ZNF638: variants seen among roughly 807,000 people sequenced by gnomAD.
The protein encoded by ZNF638 is CTCL tumor antigen se33-1.
In ZNF638, 46 loss-of-function variants were observed where a neutral mutation model predicts 195.6. The ratio of observed to expected loss-of-function variants is 0.24; its 90% confidence interval spans 0.19 to 0.30. The LOEUF is 0.30. ZNF638 is among the 10% of genes least tolerant of loss of function. The pLI, the probability that ZNF638 is intolerant of heterozygous loss-of-function variation, is 1.00. For synonymous variants in ZNF638, 845 were observed against 772.0 expected, an observed-to-expected ratio of 1.09 and a Z score of -1.57; for missense variants, 2,440 against 2,325.3, an observed-to-expected ratio of 1.05 and a Z score of -1.01.
intron 17 of ZNF638, among the ~76,000 whole-genome samples, chr2:71,404,766 G>A (rs113413981): frequency 2.6e-5 from 4 of 152,174 alleles, no homozygotes; most frequent in African/African-American, 9.6e-5. Flanking sequence ...AAAAGTAATT[G>A]TCTTTTGTAC....
intron 3 of ZNF638, among the ~76,000 whole-genome samples, chr2:71,356,988 G>T (rs1049964574): frequency 6.6e-6 from 1 of 152,056 alleles, no homozygotes; most frequent in African/African-American, 2.4e-5. Flanking sequence ...CTTTCACATA[G>T]CAAAATGGAC....
chr2:71,386,410 T>C (rs60037192), intron 10 of ZNF638, among the ~76,000 whole-genome samples: 1,970 of 152,132 alleles, frequency 0.013, 43 homozygotes, highest in African/African-American at 0.045. Context: ...AAAGCCAGCA[T>C]ATGTTTAATA....
chr2:71,405,686 T>C (rs1375244715), intron 18 of ZNF638, 44 bp downstream of exon 18: 1 of 1,330,618 alleles, frequency 7.5e-7, no homozygotes, highest in Non-Finnish European at 1.0e-6. Flanking sequence ...ATTTAATTGA[T>C]GGAAACATTG....
chr2:71,406,860 C>T (rs1262079683), intron 19 of ZNF638, among the ~76,000 whole-genome samples: 3 of 151,902 alleles, frequency 2.0e-5, no homozygotes, highest in African/African-American at 7.3e-5. Context: ...ATTAGCTGGG[C>T]ATGGTGACGT....
rs560052273 is a variant in ZNF638 at position 71,422,709 on chromosome 2, A to G, written c.3300-105A>G. On this transcript the variant is annotated intron_variant, in intron 21 of 27. Coordinates refer to ENST00000264447, the MANE Select transcript of ZNF638 (RefSeq NM_014497.5). ...ACGAATGCATCAGGAAGTCTTAACA[A>G]TTGGCATCAGCAGGATTCTTTATAA... is the stretch of plus-strand genomic sequence containing the variant. The G allele has an allele frequency of 1.1e-4, 127 of 1,208,308 alleles. 1 individual carries two copies. In the East Asian group the frequency reaches 3.1e-3, roughly 30 times the overall value. 74.8% of individuals were successfully genotyped at this position (1,208,308 alleles called of 1,614,324 possible).
chr2:71,345,686 G>A (rs1378036314), intron 1 of ZNF638, among the ~76,000 whole-genome samples: 2 of 151,460 alleles, frequency 1.3e-5, no homozygotes, highest in African/African-American at 4.9e-5. Context: ...ATTTTTTTTT[G>A]TAGAGACAGG....
At chr2:71,419,554 C>T (rs144078347) in intron 21 of ZNF638, among the ~76,000 whole-genome samples, 4 of 152,066 alleles carry the variant, frequency 2.6e-5, no homozygotes, top group African/African-American at 9.6e-5. Flanking sequence ...TAAAATATAC[C>T]AGTAACATTA....
intron 10 of ZNF638, chr2:71,388,549 G>A (rs1318942895): frequency 5.2e-5 from 38 of 733,166 alleles, no homozygotes; most frequent in Non-Finnish European, 2.8e-5. Context: ...CGTCTCTAAG[G>A]CCGAGCAGTT....
At chr2:71,335,323 T>A (rs1158289685) in intron 1 of ZNF638, among the ~76,000 whole-genome samples, 1 of 152,196 alleles carries the variant, frequency 6.6e-6, no homozygotes, top group African/African-American at 2.4e-5. Flanking sequence ...ATTACAGGTG[T>A]GAGCTATTGC....
At chr2:71,409,806 A>G (rs1385640116) in intron 20 of ZNF638, among the ~76,000 whole-genome samples, 2 of 152,128 alleles carry the variant, frequency 1.3e-5, no homozygotes, top group African/African-American at 2.4e-5. Context: ...TTGTCGACCA[A>G]TTATATACAC....
At chr2:71,333,793 C>G (rs2078615628) in intron 1 of ZNF638, among the ~76,000 whole-genome samples, 1 of 152,152 alleles carries the variant, frequency 6.6e-6, no homozygotes, top group African/African-American at 2.4e-5. Context: ...ATTATTACTT[C>G]CTGCTTGGGA....
intron 15 of ZNF638, among the ~76,000 whole-genome samples, chr2:71,401,059 G>C (rs1486303388): frequency 6.6e-6 from 1 of 152,072 alleles, no homozygotes; most frequent in Non-Finnish European, 1.5e-5. Flanking sequence ...CAGGTGTTGA[G>C]CATAAGTTTT....
chr2:71,386,860 TTTTTC>T (rs1461699825), intron 10 of ZNF638, among the ~76,000 whole-genome samples: 1 of 152,106 alleles, frequency 6.6e-6, no homozygotes, highest in Non-Finnish European at 1.5e-5. Context: ...TTTTTTTCTT[TTTTTC>T]TTTTCTTCTT....
Position 71,349,122 on chromosome 2 carries a change from T to G in ZNF638, c.168T>G (p.Ala56=). Residue 56 remains alanine (A), a synonymous_variant, in exon 2 of 28, where the codon GCT becomes GCG. Coordinates refer to ENST00000264447, the MANE Select transcript of ZNF638 (RefSeq NM_014497.5). ...CACGTGGAATTCCACACAGATTTGC[T>G]GGCCATGAATCTTATCAGAACATGG... ...GRARGIPHRF[A]GHESYQNMGP... 3 of 1,614,198 alleles carry G rather than the reference T, an allele frequency of 1.9e-6. No individual in the cohort carries two copies. The highest frequency in any genetic ancestry group is 2.5e-6 in the Non-Finnish European group (3 of 1,180,028).
intron 24 of ZNF638, 94 bp downstream of exon 24, chr2:71,427,508 C>CA: frequency 1.1e-6 from 1 of 934,234 alleles, no homozygotes; most frequent in South Asian, 2.1e-5. Context: ...CCAATAATGT[C>CA]ACCCAGTATT....
intron 20 of ZNF638, among the ~76,000 whole-genome samples, chr2:71,411,453 A>AT (rs1283094894): frequency 7.2e-6 from 1 of 139,704 alleles, no homozygotes; most frequent in African/African-American, 2.7e-5. Context: ...TTTTTTATTT[A>AT]TTTTTTATTT....
chr2:71,397,470 T>C (rs1369981787), intron 11 of ZNF638, among the ~76,000 whole-genome samples: 1 of 152,192 alleles, frequency 6.6e-6, no homozygotes. Flanking sequence ...AAACTTTCAG[T>C]TGATTTTTTT....
chr2:71,393,571 A>C (rs1389975834), intron 10 of ZNF638: 2 of 717,840 alleles, frequency 2.8e-6, no homozygotes, highest in Non-Finnish European at 5.2e-6. Context: ...GACAACTTAC[A>C]AGGCTGAGCA....
At chr2:71,342,263 C>G (rs1573018642) in intron 1 of ZNF638, among the ~76,000 whole-genome samples, 2 of 142,532 alleles carry the variant, frequency 1.4e-5, no homozygotes, top group Middle Eastern at 7.2e-3. Flanking sequence ...AGGACTTAAA[C>G]TTTTTATTTT....
Sources: gnomAD v4.1 joint callset for allele counts (sites outside exome capture counted in the v4.1 genomes callset) on GRCh38, gnomAD v4.1.1 for gene constraint, MANE v1.5 for transcripts, NCBI Gene and HGNC (gene_info 2026-07-23, HGNC 2026-07-21) for gene names.